The following CLINT1 variants were observed in gnomAD, a reference collection of about 807,000 sequenced individuals.
CLINT1 encodes clathrin interacting protein localized in the trans-Golgi region.
CLINT1 carries 15 observed loss-of-function variants against 70.4 expected under a neutral mutation model. That is an observed-to-expected ratio of 0.21 (90% confidence interval 0.14 to 0.33). CLINT1 has a LOEUF of 0.33. Ranked by LOEUF, CLINT1 falls within the 10% of genes least tolerant of loss-of-function variation. The pLI is 1.00. For missense variants in CLINT1, 615 were observed against 778.1 expected (o/e 0.79, Z 2.49); for synonymous variants, 227 against 254.7 (o/e 0.89, Z 1.04).
intron 1 of CLINT1, among the ~76,000 whole-genome samples, chr5:157,851,038 C>T: frequency 6.6e-6 from 1 of 152,166 alleles, no homozygotes; most frequent in East Asian, 1.9e-4. Flanking sequence ...GAGATCTTCC[C>T]TTCTCGGCCT....
rs375387774 is a variant in CLINT1, at chr5:157,816,725, T to G, written c.243+9A>C. ...ATGTCAAGTAATTAAAGCAGACTTG[T>G]GTCCATACCTTATAAACTCTTCTCC... On this transcript the variant is annotated intron_variant, in intron 3 of 11. Coordinates refer to ENST00000411809, the MANE Select transcript of CLINT1 (RefSeq NM_014666.4). 26 of 1,588,652 alleles carry G rather than the reference T, an allele frequency of 1.6e-5. No individual in the cohort carries two copies. In the African/African-American group the frequency reaches 3.0e-4, roughly 18 times the overall value.
At chr5:157,801,345 A>G (rs1762213879) in intron 8 of CLINT1, among the ~76,000 whole-genome samples, 1 of 151,698 alleles carries the variant, frequency 6.6e-6, no homozygotes, top group Non-Finnish European at 1.5e-5. Context: ...TGTCTCTACT[A>G]AAAATACAAA....
intron 7 of CLINT1, among the ~76,000 whole-genome samples, chr5:157,805,439 C>G (rs1233298943): frequency 6.6e-6 from 1 of 152,132 alleles, no homozygotes; most frequent in Admixed American, 6.6e-5. Flanking sequence ...AACACGCCTC[C>G]CTTTATAGGC....
At chr5:157,796,151 A>G (rs992105565) in intron 8 of CLINT1, 48 of 152,332 alleles carry the variant, frequency 3.2e-4, no homozygotes, top group African/African-American at 1.1e-3. Context: ...AAGAGTAAAT[A>G]CTTGTATTTT....
At chr5:157,810,945 A>T (rs141019393) in intron 5 of CLINT1, among the ~76,000 whole-genome samples, 1 of 152,358 alleles carries the variant, frequency 6.6e-6, no homozygotes, top group African/African-American at 2.4e-5. Flanking sequence ...TTACATGTTT[A>T]AGGATTTTAA....
chr5:157,812,955 T>A, intron 5 of CLINT1, 108 bp downstream of exon 5: 1 of 1,008,870 alleles, frequency 9.9e-7, no homozygotes, highest in Non-Finnish European at 1.5e-6. Flanking sequence ...TTCTATGTAT[T>A]CCTAGAAAAG....
At chr5:157,833,620 T>G (rs867278396) in intron 1 of CLINT1, among the ~76,000 whole-genome samples, 2 of 152,116 alleles carry the variant, frequency 1.3e-5, no homozygotes, top group Non-Finnish European at 1.5e-5. Flanking sequence ...TAGCACCCTT[T>G]GCTTTCTACT....
chr5:157,789,288 A>T, intron 11 of CLINT1, 75 bp downstream of exon 11: 1 of 1,198,442 alleles, frequency 8.3e-7, no homozygotes, highest in Non-Finnish European at 1.2e-6. Context: ...TTTTATTTAT[A>T]GTTTGAAGTA....
At chr5:157,842,134 G>C (rs890090155) in intron 1 of CLINT1, among the ~76,000 whole-genome samples, 1 of 152,084 alleles carries the variant, frequency 6.6e-6, no homozygotes, top group African/African-American at 2.4e-5. Context: ...TACTTTTACC[G>C]AATGTTGATA....
chr5:157,858,116 G>A (rs1753814125), intron 1 of CLINT1, among the ~76,000 whole-genome samples: 2 of 152,162 alleles, frequency 1.3e-5, no homozygotes, highest in Admixed American at 6.5e-5. Context: ...CAGTCTTAAA[G>A]GAAATCAACT....
chr5:157,851,198 A>T (rs571835407), intron 1 of CLINT1, among the ~76,000 whole-genome samples: 1 of 152,322 alleles, frequency 6.6e-6, no homozygotes, highest in East Asian at 1.9e-4. Context: ...CCTTTTTTCT[A>T]CTATAAAAAT....
At chr5:157,842,863 C>T (rs1753238029) in intron 1 of CLINT1, among the ~76,000 whole-genome samples, 1 of 152,190 alleles carries the variant, frequency 6.6e-6, no homozygotes, top group South Asian at 2.1e-4. Context: ...GTAAGTTTAA[C>T]CATGAAATAT....
rs1053800857 is a variant in CLINT1 at position 157,791,859 on chromosome 5, T to C, written c.1224A>G (p.Gln408=). 7 of 1,613,794 alleles carry C rather than the reference T, an allele frequency of 4.3e-6. No individual in the cohort carries two copies. The highest frequency in any genetic ancestry group is 4.0e-5 in the African/African-American group (3 of 74,894). ...CAGCAGGAGGTGGGCCTAGAGCTGATTGTGAGCCACTAACAAGTTCTACCG... is the reference window on the plus strand; with the variant it reads ...CAGCAGGAGGTGGGCCTAGAGCTGACTGTGAGCCACTAACAAGTTCTACCG... ...QPAVELVSGS[Q]SALGPPPAAS... is the part of the protein sequence containing the mutation. The change falls in exon 10 of 12, where the codon CAA becomes CAG. Residue 408 remains glutamine (Q), a synonymous_variant. Coordinates refer to ENST00000411809, the MANE Select transcript of CLINT1 (RefSeq NM_014666.4).
chr5:157,794,837 G>A, intron 9 of CLINT1, 61 bp downstream of exon 9: 1 of 1,173,362 alleles, frequency 8.5e-7, no homozygotes, highest in East Asian at 2.6e-5. Flanking sequence ...GGGGGAATGG[G>A]AGTTGTTTTT....
At chr5:157,831,693 CTTTTTTTT>C (rs35629225) in intron 1 of CLINT1, among the ~76,000 whole-genome samples, 1 of 123,950 alleles carries the variant, frequency 8.1e-6, no homozygotes, top group Non-Finnish European at 1.7e-5. Context: ...TGAAAATATC[CTTTTTTTT>C]TTTTTTTTTT....
chr5:157,856,763 G>A (rs1392873150), intron 1 of CLINT1, among the ~76,000 whole-genome samples: 1 of 152,108 alleles, frequency 6.6e-6, no homozygotes, highest in African/African-American at 2.4e-5. Context: ...AAAAGTCTTT[G>A]GTGACAACAT....
rs542661811 is a variant in CLINT1 at position 157,826,870 on chromosome 5, T to A, written c.42-9323A>T. ...ATCTCTAAGAATATCCAGTACAGATTGTCAGTATTATAAATAGTCTTTATC... is the reference window on the plus strand; with the variant it reads ...ATCTCTAAGAATATCCAGTACAGATAGTCAGTATTATAAATAGTCTTTATC... On this transcript the variant is annotated intron_variant, in intron 1 of 11. Coordinates refer to ENST00000411809, the MANE Select transcript of CLINT1 (RefSeq NM_014666.4). Among the ~76,000 whole-genome samples the A allele has an allele frequency of 1.1e-4, 16 of 152,284 alleles. No individual in the cohort carries two copies. In the South Asian group the frequency reaches 3.3e-3, roughly 32 times the overall value.
intron 2 of CLINT1, 47 bp from the exon 3 acceptor site, chr5:157,816,877 A>C: frequency 7.5e-7 from 1 of 1,341,704 alleles, no homozygotes; most frequent in Non-Finnish European, 1.0e-6. Flanking sequence ...ATTAATTTTG[A>C]CAGTAGATGG....
intron 7 of CLINT1, among the ~76,000 whole-genome samples, chr5:157,804,819 C>T (rs1026964862): frequency 5.3e-5 from 8 of 151,838 alleles, no homozygotes; most frequent in African/African-American, 1.7e-4. Context: ...CTCAGCTACT[C>T]GGGAGGCTGA....
Sources: allele counts gnomAD v4.1 joint callset (sites outside exome capture counted in the v4.1 genomes callset), GRCh38; gene constraint gnomAD v4.1.1; transcripts MANE v1.5; gene names NCBI Gene and HGNC (gene_info 2026-07-23, HGNC 2026-07-21).